Variants in CFAP20DC observed in about 807,000 individuals in gnomAD.
CFAP20DC encodes CFAP20 domain containing.
CFAP20DC carries 84 observed loss-of-function variants against 101.7 expected under a neutral mutation model. The ratio of observed to expected loss-of-function variants is 0.83; its 90% CI spans 0.69 to 0.99. The LOEUF is 0.99. Among genes scored for constraint, CFAP20DC ranks in the 50% least tolerant of loss-of-function variants. The pLI, the probability that CFAP20DC is intolerant of heterozygous loss-of-function variation, is 0.00. For synonymous variants in CFAP20DC, 359 were observed against 351.2 expected (o/e 1.02, Z -0.25); for missense variants, 1,007 against 970.3 (o/e 1.04, Z -0.50).
chr3:58,896,661 C>T (rs1471130503), intron 6 of CFAP20DC, among the ~76,000 whole-genome samples: 1 of 152,074 alleles, frequency 6.6e-6, no homozygotes, highest in Non-Finnish European at 1.5e-5. Context: ...ACTCAGGATC[C>T]GGTTGTTCAA....
At chr3:58,773,273 A>T (rs2071019595) in intron 15 of CFAP20DC, among the ~76,000 whole-genome samples, 1 of 151,796 alleles carries the variant, frequency 6.6e-6, no homozygotes, top group Non-Finnish European at 1.5e-5. Flanking sequence ...GAATTTGGCC[A>T]GGTGCAGTGG....
intron 3 of CFAP20DC, among the ~76,000 whole-genome samples, chr3:58,723,261 AAAT>A (rs1234047756): frequency 3.2e-4 from 48 of 152,352 alleles, no homozygotes; most frequent in African/African-American, 9.9e-4. Context: ...ATGGGCTAAT[AAAT>A]ATGCAACACT....
intron 14 of CFAP20DC, among the ~76,000 whole-genome samples, chr3:58,816,769 G>A (rs959447465): frequency 2.6e-5 from 4 of 152,250 alleles, no homozygotes; most frequent in East Asian, 1.9e-4. Flanking sequence ...CAGGAAGCTC[G>A]AACTGGGTGG....
intron 4 of CFAP20DC, among the ~76,000 whole-genome samples, chr3:58,966,935 AC>A (rs1464715982): frequency 6.6e-6 from 1 of 152,184 alleles, no homozygotes. Context: ...AAATGACAAT[AC>A]CCCCCACTCC....
intron 5 of CFAP20DC, among the ~76,000 whole-genome samples, chr3:58,916,744 C>T (rs1178552799): frequency 6.6e-6 from 1 of 152,036 alleles, no homozygotes; most frequent in Non-Finnish European, 1.5e-5. Flanking sequence ...CTAGAGGAAA[C>T]AGAAATTATT....
intron 16 of CFAP20DC, among the ~76,000 whole-genome samples, chr3:58,752,300 G>A (rs553620976): frequency 6.6e-6 from 1 of 152,112 alleles, no homozygotes; most frequent in Admixed American, 6.5e-5. Flanking sequence ...AAGGGCCAGG[G>A]GACAGCTGAT....
rs147284288 is a variant in CFAP20DC at position 58,938,188 on chromosome 3, T to C, written c.279-426A>G. On this transcript the variant is annotated intron_variant, in intron 4 of 16. Transcript: ENST00000482387. ...CCCTAAAAATGCATCTGTCATTTTG[T>C]ATAGGCTCTTAGTCTGCTTAGAGAC... 8.2e-3 allele frequency among the ~76,000 whole-genome samples: 1,243 copies of C among 152,346 alleles called. 11 individuals carry two copies. The highest frequency in any genetic ancestry group is 0.029 in the African/African-American group (1,187 of 41,584).
intron 14 of CFAP20DC, among the ~76,000 whole-genome samples, chr3:58,827,155 T>G (rs900564396): frequency 3.9e-5 from 6 of 152,070 alleles, no homozygotes; most frequent in African/African-American, 1.4e-4. Flanking sequence ...AAATTACCAC[T>G]CTGGTGGGGG....
chr3:58,730,793 T>C (rs1314773554), intron 3 of CFAP20DC, among the ~76,000 whole-genome samples: 1 of 152,242 alleles, frequency 6.6e-6, no homozygotes, highest in Non-Finnish European at 1.5e-5. Flanking sequence ...ACAGAATTTT[T>C]TTTTTTAAAG....
chr3:58,767,632 G>A (rs12634775), intron 15 of CFAP20DC, among the ~76,000 whole-genome samples: 8,449 of 152,198 alleles, frequency 0.056, 527 homozygotes, highest in East Asian at 0.35. Context: ...AGCTTCAAGC[G>A]ATTCTCCCAC....
At chr3:58,987,172 A>T (rs144037432) in intron 4 of CFAP20DC, among the ~76,000 whole-genome samples, 132 of 152,250 alleles carry the variant, frequency 8.7e-4, no homozygotes, top group African/African-American at 2.6e-3. Context: ...ATGGGATACA[A>T]CTGGAGTTAA....
At chr3:58,979,267 C>T (rs1211015569) in intron 4 of CFAP20DC, among the ~76,000 whole-genome samples, 1 of 152,176 alleles carries the variant, frequency 6.6e-6, no homozygotes, top group Admixed American at 6.5e-5. Flanking sequence ...GTACTTGGGG[C>T]AAGTTAGGGC....
chr3:58,757,554 TA>T (rs1013956888), intron 15 of CFAP20DC, among the ~76,000 whole-genome samples: 22 of 152,002 alleles, frequency 1.4e-4, no homozygotes, highest in African/African-American at 5.1e-4. Context: ...ATCAGCCATT[TA>T]AAAAAAATTG....
chr3:59,044,384 G>T (rs1447310564), intron 3 of CFAP20DC, among the ~76,000 whole-genome samples: 1 of 152,094 alleles, frequency 6.6e-6, no homozygotes, highest in African/African-American at 2.4e-5. Context: ...AAAGGCATCA[G>T]TGCAGGGCAG....
intron 4 of CFAP20DC, among the ~76,000 whole-genome samples, chr3:58,981,464 AG>A: frequency 6.6e-6 from 1 of 152,330 alleles, no homozygotes; most frequent in Non-Finnish European, 1.5e-5. Flanking sequence ...CTATACTACA[AG>A]GCTACAGTAA....
At chr3:58,841,360 A>G (rs772601092) in intron 13 of CFAP20DC, among the ~76,000 whole-genome samples, 2 of 152,234 alleles carry the variant, frequency 1.3e-5, no homozygotes, top group Non-Finnish European at 2.9e-5. Context: ...AACAAAGAGT[A>G]TTATATACCC....
chr3:58,848,085 T>A (rs2077872821), intron 13 of CFAP20DC, among the ~76,000 whole-genome samples: 2 of 141,346 alleles, frequency 1.4e-5, no homozygotes, highest in African/African-American at 5.4e-5. Flanking sequence ...AGTTAGTGGG[T>A]GCAGTGCACC....
chr3:58,887,473 G>A (rs1299480715), intron 6 of CFAP20DC: 1 of 152,170 alleles, frequency 6.6e-6, no homozygotes, highest in Admixed American at 6.5e-5. Flanking sequence ...TTAGCTTAGC[G>A]GGCTTGTGTG....
At chr3:58,803,669 T>C (rs1210494048) in intron 15 of CFAP20DC, among the ~76,000 whole-genome samples, 4 of 152,212 alleles carry the variant, frequency 2.6e-5, no homozygotes, top group African/African-American at 9.6e-5. Context: ...TCCTAAGCTG[T>C]TGAATTTATG....
Sources: gnomAD v4.1 joint callset for allele counts (sites outside exome capture counted in the v4.1 genomes callset) on GRCh38, gnomAD v4.1.1 for gene constraint, MANE v1.5 for transcripts, NCBI Gene and HGNC (gene_info 2026-07-23, HGNC 2026-07-21) for gene names.